The following DTD1 variants were observed in gnomAD, a reference collection of about 807,000 sequenced individuals.
The protein encoded by DTD1 is D-tyrosyl-tRNA deacylase 1 homolog.
DTD1 carries 13 observed loss-of-function variants against 25.6 expected under a neutral mutation model. The ratio of observed to expected loss-of-function variants is 0.51; its 90% CI spans 0.33 to 0.81. The LOEUF (loss-of-function observed/expected upper bound fraction) is 0.81. Ranked by LOEUF, DTD1 falls within the 30% of genes least tolerant of loss-of-function variation. The pLI is 0.02. For synonymous variants in DTD1, 110 were observed against 103.6 expected, an observed-to-expected ratio of 1.06 and a Z score of -0.37; for missense variants, 193 against 266.4, an observed-to-expected ratio of 0.72 and a Z score of 1.92.
At chr20:18,731,210 C>T (rs2061238301) in intron 4 of DTD1, among the ~76,000 whole-genome samples, 1 of 152,162 alleles carries the variant, frequency 6.6e-6, no homozygotes, top group South Asian at 2.1e-4. Flanking sequence ...TGCATCTGCT[C>T]CGCTCCCTCC....
chr20:18,642,148 C>G (rs2060831113), intron 4 of DTD1, among the ~76,000 whole-genome samples: 1 of 152,136 alleles, frequency 6.6e-6, no homozygotes, highest in African/African-American at 2.4e-5. Context: ...CTGATGCCTT[C>G]TCACCCTTGA....
At chr20:18,708,724 A>C (rs1389898922) in intron 4 of DTD1, among the ~76,000 whole-genome samples, 2 of 151,972 alleles carry the variant, frequency 1.3e-5, no homozygotes, top group African/African-American at 4.8e-5. Flanking sequence ...CTGCACAAAC[A>C]GTTCAGGGCG....
chr20:18,699,577 C>T (rs1041135453), intron 4 of DTD1, among the ~76,000 whole-genome samples: 5 of 152,130 alleles, frequency 3.3e-5, no homozygotes, highest in Non-Finnish European at 7.4e-5. Context: ...GAGGATGGAG[C>T]CCAGCTTGTG....
intron 4 of DTD1, among the ~76,000 whole-genome samples, chr20:18,732,653 G>A (rs567551507): frequency 6.6e-6 from 1 of 152,328 alleles, no homozygotes; most frequent in Non-Finnish European, 1.5e-5. Flanking sequence ...AAGTGCAGTC[G>A]ATACCTTGTT....
chr20:18,757,012 A>G (rs1482275019), intron 5 of DTD1, among the ~76,000 whole-genome samples: 8 of 149,734 alleles, frequency 5.3e-5, no homozygotes. Flanking sequence ...ATTCCTAGGT[A>G]TTTTATTCTC....
chr20:18,737,833 CA>C (rs2061262391), intron 4 of DTD1, among the ~76,000 whole-genome samples: 1 of 152,238 alleles, frequency 6.6e-6, no homozygotes, highest in Admixed American at 6.5e-5. Context: ...GCTAAACCAC[CA>C]AGGAGCTGGA....
At position 18,727,634 on chromosome 20, in the gene DTD1, A is replaced by G. The variant is rs79640605; in HGVS notation, c.478-16466A>G. On this transcript the variant is annotated intron_variant, in intron 4 of 5. Coordinates refer to ENST00000377452, the MANE Select transcript of DTD1 (RefSeq NM_080820.6). The stretch of plus-strand genomic sequence containing the variant: ...CCTGTAGTTCATTCGCAGAGCAACC[A>G]TCACCATGAGAAGACCCCTGTTTTT... Among the ~76,000 whole-genome samples the G allele has an allele frequency of 5.3e-3, 800 of 152,238 alleles. 6 individuals carry two copies. The highest frequency in any genetic ancestry group is 0.035 in the South Asian group (168 of 4,818).
At chr20:18,704,703 G>A (rs1385268959) in intron 4 of DTD1, among the ~76,000 whole-genome samples, 5 of 152,166 alleles carry the variant, frequency 3.3e-5, no homozygotes, top group Non-Finnish European at 7.3e-5. Flanking sequence ...CTAGTGGGTA[G>A]AGGCCAGGGT....
intron 3 of DTD1, among the ~76,000 whole-genome samples, chr20:18,611,898 A>G (rs1467433189): frequency 6.6e-6 from 1 of 152,104 alleles, no homozygotes. Flanking sequence ...TCTGTCACCA[A>G]GGCTAGAGTG....
intron 5 of DTD1, among the ~76,000 whole-genome samples, chr20:18,759,479 C>G (rs1291642637): frequency 1.3e-5 from 2 of 152,182 alleles, no homozygotes; most frequent in Non-Finnish European, 2.9e-5. Flanking sequence ...TATTTTATTT[C>G]TCCTTCACTT....
intron 4 of DTD1, among the ~76,000 whole-genome samples, chr20:18,659,994 G>A (rs2060903367): frequency 6.6e-6 from 1 of 152,094 alleles, no homozygotes; most frequent in Non-Finnish European, 1.5e-5. Flanking sequence ...AGCACTTTGG[G>A]AGGCCGAAGT....
chr20:18,637,495 G>C (rs1317495556), intron 4 of DTD1, among the ~76,000 whole-genome samples: 1 of 152,192 alleles, frequency 6.6e-6, no homozygotes, highest in Non-Finnish European at 1.5e-5. Context: ...ATTGCTCAAT[G>C]AGTGTGCAAG....
At chr20:18,588,711 T>C in intron 1 of DTD1, 2 of 985,330 alleles carry the variant, frequency 2.0e-6, no homozygotes, top group Non-Finnish European at 2.4e-6. Flanking sequence ...CCTCGCCCGC[T>C]GAACTCTGCG....
chr20:18,753,316 G>T (rs1361276594), intron 5 of DTD1, among the ~76,000 whole-genome samples: 1 of 152,046 alleles, frequency 6.6e-6, no homozygotes, highest in Non-Finnish European at 1.5e-5. Context: ...AGTACTATAA[G>T]ATTGACATTG....
chr20:18,647,722 T>C (rs1415600844), intron 4 of DTD1, among the ~76,000 whole-genome samples: 2 of 152,102 alleles, frequency 1.3e-5, no homozygotes, highest in East Asian at 3.9e-4. Flanking sequence ...TTTTGTTTTT[T>C]GGCGGTGGGC....
intron 4 of DTD1, among the ~76,000 whole-genome samples, chr20:18,685,082 T>C (rs1057359230): frequency 8.5e-5 from 13 of 152,140 alleles, no homozygotes; most frequent in African/African-American, 2.9e-4. Context: ...AAAATTTCTT[T>C]TGAAGAAACG....
rs146358079 is a variant in DTD1, at chr20:18,744,200, G to T, written c.578G>T (p.Arg193Leu). Residue 193 changes from arginine to leucine, a missense_variant, in exon 5 of 6, where the codon CGC becomes CTC. Transcript: ENST00000377452. ...KERNTPRKED[R>L]SASSGAEGDV... ...AGAAACACTCCCCGAAAAGAAGACCGCAGTGCCAGCAGCGGGGCTGAGGGC... is the reference window on the plus strand; with the variant it reads ...AGAAACACTCCCCGAAAAGAAGACCTCAGTGCCAGCAGCGGGGCTGAGGGC... 1.2e-6 allele frequency: 2 copies of T among 1,612,146 alleles called. No homozygotes were observed. Among genetic ancestry groups the T allele is most frequent in the African/African-American group, 1.3e-5 (1 of 74,866 alleles).
At chr20:18,680,795 T>A (rs1381345440) in intron 4 of DTD1, among the ~76,000 whole-genome samples, 1 of 152,148 alleles carries the variant, frequency 6.6e-6, no homozygotes, top group Non-Finnish European at 1.5e-5. Context: ...AGGTTAAAAG[T>A]ACAAAATAAA....
At chr20:18,624,115 C>G (rs1237846094) in intron 3 of DTD1, among the ~76,000 whole-genome samples, 2 of 152,032 alleles carry the variant, frequency 1.3e-5, no homozygotes, top group African/African-American at 4.8e-5. Context: ...GTCTTTTGTC[C>G]TTGGAGGCTC....
Sources: allele counts gnomAD v4.1 joint callset (sites outside exome capture counted in the v4.1 genomes callset), GRCh38; gene constraint gnomAD v4.1.1; transcripts MANE v1.5; gene names NCBI Gene and HGNC (gene_info 2026-07-23, HGNC 2026-07-21).